TACC2: variants seen among roughly 807,000 people sequenced by gnomAD.
The protein encoded by TACC2 is transforming acidic coiled-coil-containing protein 2.
TACC2 carries 137 observed loss-of-function variants against 227.3 expected under a neutral mutation model. The observed-to-expected ratio is 0.60, with a 90% confidence interval of 0.52 to 0.69. TACC2 has a LOEUF of 0.69. TACC2 is among the 30% of genes least tolerant of loss of function. The pLI is 0.00. For synonymous variants in TACC2, 1,523 were observed against 1,487.5 expected (o/e 1.02, Z -0.55); for missense variants, 3,470 against 3,694.4 (o/e 0.94, Z 1.57).
At chr10:122,059,991 C>A (rs769996821) in intron 3 of TACC2, among the ~76,000 whole-genome samples, 34 of 152,152 alleles carry the variant, frequency 2.2e-4, no homozygotes, top group Admixed American at 1.5e-3. Flanking sequence ...GTTTGAGAAC[C>A]ACTGGATTAG....
chr10:122,147,709 A>G (rs573900254), intron 7 of TACC2, among the ~76,000 whole-genome samples: 1 of 152,310 alleles, frequency 6.6e-6, no homozygotes, highest in African/African-American at 2.4e-5. Flanking sequence ...CATTGCTCCA[A>G]TTGTAGCAGC....
chr10:122,087,823 G>A lies in TACC2; in HGVS notation c.5323G>A (p.Ala1775Thr), dbSNP rs1165939944. The A allele has an allele frequency of 3.8e-6, 6 of 1,564,288 alleles. No homozygotes were observed. Among genetic ancestry groups the A allele is most frequent in the African/African-American group, 2.7e-5 (2 of 74,020 alleles). ...GGACAGCCCAGCCAGGCCCCAGCAG[G>A]CTAAGGAGCAGCCAGGGCCTGAGCG... ...HGDSPARPQQ[A>T]KEQPGPERPI... The change falls in exon 4 of 23, where the codon GCT (alanine) becomes ACT (threonine). Residue 1775 changes from alanine to threonine, a missense_variant. Transcript: ENST00000369005.
intron 7 of TACC2, among the ~76,000 whole-genome samples, chr10:122,160,238 GT>G (rs2139757792): frequency 6.6e-6 from 1 of 152,310 alleles, no homozygotes; most frequent in East Asian, 1.9e-4. Flanking sequence ...CAGTAGGAAG[GT>G]TTGCAGTGGA....
chr10:122,004,423 G>A (rs1030358232), intron 1 of TACC2, among the ~76,000 whole-genome samples: 13 of 151,108 alleles, frequency 8.6e-5, no homozygotes, highest in Admixed American at 2.6e-4. Context: ...AATTACACTC[G>A]TTCCTGAGGT....
At chr10:122,204,841 A>G (rs1305349061) in intron 8 of TACC2, among the ~76,000 whole-genome samples, 1 of 150,278 alleles carries the variant, frequency 6.7e-6, no homozygotes, top group Non-Finnish European at 1.5e-5. Context: ...AAAAAAAAAA[A>G]TGACGTGTGG....
chr10:122,017,704 C>A (rs1956834430), intron 1 of TACC2, among the ~76,000 whole-genome samples: 1 of 151,314 alleles, frequency 6.6e-6, no homozygotes, highest in Non-Finnish European at 1.5e-5. Context: ...GTAGTCCCAG[C>A]TACTAGGGAG....
intron 7 of TACC2, among the ~76,000 whole-genome samples, chr10:122,159,491 T>C (rs1269556731): frequency 2.0e-5 from 3 of 152,210 alleles, no homozygotes; most frequent in South Asian, 2.1e-4. Context: ...GGCAAGGCAG[T>C]GAGCATGCCT....
At chr10:122,069,769 G>A (rs990474958) in intron 3 of TACC2, among the ~76,000 whole-genome samples, 5 of 152,162 alleles carry the variant, frequency 3.3e-5, no homozygotes, top group African/African-American at 1.2e-4. Flanking sequence ...AAGAGGTGGG[G>A]AGACCCTTCT....
At chr10:122,131,872 A>C (rs1428490056) in intron 5 of TACC2, among the ~76,000 whole-genome samples, 1 of 151,938 alleles carries the variant, frequency 6.6e-6, no homozygotes, top group Non-Finnish European at 1.5e-5. Context: ...AAATGCAAAA[A>C]TTAGCCAGGC....
chr10:122,001,343 G>A (rs1221177036), intron 1 of TACC2, among the ~76,000 whole-genome samples: 3 of 152,164 alleles, frequency 2.0e-5, no homozygotes, highest in Non-Finnish European at 2.9e-5. Context: ...CTTACATGGT[G>A]GCAGGCAAGA....
chr10:122,000,119 C>T (rs762328766), intron 1 of TACC2, among the ~76,000 whole-genome samples: 5 of 152,188 alleles, frequency 3.3e-5, no homozygotes, highest in Non-Finnish European at 2.9e-5. Flanking sequence ...CGGCTAAGTT[C>T]GTTGGCTCAC....
At chr10:122,229,600 C>A in intron 15 of TACC2, 114 bp downstream of exon 15, 3 of 1,198,188 alleles carry the variant, frequency 2.5e-6, no homozygotes, top group Non-Finnish European at 3.6e-6. Flanking sequence ...CGAGAACGTT[C>A]CCAGTGACAT....
intron 3 of TACC2, among the ~76,000 whole-genome samples, chr10:122,077,052 T>A (rs367550246): frequency 6.0e-5 from 9 of 150,096 alleles, no homozygotes; most frequent in African/African-American, 2.2e-4. Flanking sequence ...GAGGCGGAGG[T>A]TGCAGTGAGC....
chr10:122,212,756 C>G (rs1396942283), intron 9 of TACC2, among the ~76,000 whole-genome samples: 2 of 152,198 alleles, frequency 1.3e-5, no homozygotes, highest in African/African-American at 4.8e-5. Context: ...CAGCAGGTTA[C>G]CTTAGATCAA....
At chr10:122,107,160 A>G (rs993238277) in intron 5 of TACC2, among the ~76,000 whole-genome samples, 6 of 152,276 alleles carry the variant, frequency 3.9e-5, no homozygotes, top group Non-Finnish European at 7.3e-5. Flanking sequence ...GAAGAACAGC[A>G]GTTTTGAAAG....
Position 122,132,738 on chromosome 10 carries a change from C to T in TACC2, c.5699+4C>T, listed in dbSNP as rs768137682. On this transcript the variant is annotated splice_donor_region_variant and intron_variant, in intron 6 of 22. Coordinates refer to ENST00000369005, the MANE Select transcript of TACC2 (RefSeq NM_206862.4). ...CTACGGATCTGATAGCCCAGAGGTA[C>T]GGTGGGGGCCCTGGAGCTGGTGATG... 9 of 1,613,872 alleles carry T rather than the reference C, an allele frequency of 5.6e-6. No homozygotes were observed. The highest frequency in any genetic ancestry group is 2.2e-5 in the South Asian group (2 of 91,062).
At chr10:122,216,479 T>C in intron 10 of TACC2, 148 bp from the exon 11 acceptor site, 1 of 680,750 alleles carries the variant, frequency 1.5e-6, no homozygotes, top group South Asian at 2.0e-5. Flanking sequence ...GTTTCCTTAA[T>C]GGACCATTTG....
Position 122,251,380 on chromosome 10 carries a change from G to A in TACC2, c.8781+1716G>A, listed in dbSNP as rs80035194. 4.5e-3 allele frequency among the ~76,000 whole-genome samples: 688 copies of A among 152,186 alleles called. 4 individuals are homozygous for A. The highest frequency in any genetic ancestry group is 8.2e-3 in the Non-Finnish European group (555 of 68,016). On this transcript the variant is annotated intron_variant, in intron 22 of 22. Coordinates refer to ENST00000369005, the MANE Select transcript of TACC2 (RefSeq NM_206862.4). ...GCAGTATCCTCAGAACGACATATGC[G>A]GTCACAACTGTCAAGTGCAAGTTTT... is the stretch of plus-strand genomic sequence containing the variant.
rs969334372 is a variant in TACC2 at position 122,227,865 on chromosome 10, G to A, written c.7753G>A (p.Val2585Met). 1.2e-6 allele frequency: 2 copies of A among 1,614,174 alleles called. No individual in the cohort carries two copies. The highest frequency in any genetic ancestry group is 1.7e-6 in the Non-Finnish European group (2 of 1,180,016). The change falls in exon 14 of 23, where the codon GTG (valine) becomes ATG (methionine). Residue 2585 changes from valine (V) to methionine (M), a missense_variant. Physicochemically the swap from Val to Met is conservative, Grantham distance 21. Coordinates refer to ENST00000369005, the MANE Select transcript of TACC2 (RefSeq NM_206862.4). ...GSSFEETEAL[V>M]NTAAKNQHPV... Reference sequence around the variant, plus strand: ...AAGTTTTGAAGAGACTGAAGCCCTTGTGAACACTGCTGCGAAAAACCAGCA... The same window carrying A: ...AAGTTTTGAAGAGACTGAAGCCCTTATGAACACTGCTGCGAAAAACCAGCA...
Sources: gnomAD v4.1 joint callset for allele counts (sites outside exome capture counted in the v4.1 genomes callset) on GRCh38, gnomAD v4.1.1 for gene constraint, MANE v1.5 for transcripts, NCBI Gene and HGNC (gene_info 2026-07-23, HGNC 2026-07-21) for gene names.